Variants in TAB2 observed in about 807,000 individuals in gnomAD.
TAB2 encodes the protein TGF-beta-activated kinase 1 and MAP3K7-binding protein 2.
TAB2 carries 3 observed loss-of-function variants against 65.0 expected under a neutral mutation model. The observed-to-expected ratio is 0.05, with a 90% confidence interval of 0.02 to 0.12. The LOEUF is 0.12. Ranked by LOEUF, TAB2 falls within the 10% of genes least tolerant of loss-of-function variation. TAB2 has a pLI of 1.00. For synonymous variants in TAB2, 298 were observed against 285.1 expected, an observed-to-expected ratio of 1.05 and a Z score of -0.46; for missense variants, 623 against 840.3, an observed-to-expected ratio of 0.74 and a Z score of 3.20.
chr6:149,263,671 AG>A (rs1187516788), intron 1 of TAB2, among the ~76,000 whole-genome samples: 1 of 152,248 alleles, frequency 6.6e-6, no homozygotes, highest in Admixed American at 6.5e-5. Context: ...GGTGAAAAAT[AG>A]TCCCTCCTCT....
At chr6:149,399,268 T>A (rs1782284456) in intron 6 of TAB2, 84 bp downstream of exon 6, 5 of 975,870 alleles carry the variant, frequency 5.1e-6, no homozygotes, top group Non-Finnish European at 8.1e-6. Context: ...AACCTTCCTC[T>A]CTAGAATTGC....
At chr6:149,249,661 T>A (rs1777819831) in intron 1 of TAB2, among the ~76,000 whole-genome samples, 1 of 152,036 alleles carries the variant, frequency 6.6e-6, no homozygotes, top group African/African-American at 2.4e-5. Context: ...TGTCTGTCTG[T>A]CTCTCTCTCT....
chr6:149,238,682 T>G (rs1203288117), intron 1 of TAB2, among the ~76,000 whole-genome samples: 1 of 152,232 alleles, frequency 6.6e-6, no homozygotes, highest in African/African-American at 2.4e-5. Context: ...TGATTCTCAC[T>G]GTGAATCACT....
intron 1 of TAB2, among the ~76,000 whole-genome samples, chr6:149,326,295 G>A (rs536660509): frequency 1.0e-4 from 15 of 146,268 alleles, no homozygotes; most frequent in South Asian, 2.2e-4. Flanking sequence ...AAAAAAGACA[G>A]TTTAAAAAAG....
chr6:149,229,292 A>G (rs1777350567), intron 1 of TAB2, among the ~76,000 whole-genome samples: 1 of 152,158 alleles, frequency 6.6e-6, no homozygotes, highest in East Asian at 1.9e-4. Context: ...TAAGGCTGAA[A>G]CTGTCAACAG....
At chr6:149,248,679 T>C (rs57725287) in intron 1 of TAB2, among the ~76,000 whole-genome samples, 29,098 of 152,060 alleles carry the variant, frequency 0.19, 2,899 homozygotes, top group East Asian at 0.35. Context: ...CTGTGCCCTC[T>C]GGAAAATAAC....
At chr6:149,260,352 C>T (rs1778126450) in intron 1 of TAB2, among the ~76,000 whole-genome samples, 1 of 152,238 alleles carries the variant, frequency 6.6e-6, no homozygotes, top group Non-Finnish European at 1.5e-5. Flanking sequence ...TGCTCCAGCG[C>T]AGCCTTCTCA....
chr6:149,252,722 C>T (rs1033951123), intron 1 of TAB2, among the ~76,000 whole-genome samples: 1 of 152,204 alleles, frequency 6.6e-6, no homozygotes, highest in African/African-American at 2.4e-5. Flanking sequence ...ACTGCTCACA[C>T]CCTTTGCCAT....
intron 1 of TAB2, among the ~76,000 whole-genome samples, chr6:149,354,520 TTAAA>T (rs1233531561): frequency 1.3e-5 from 2 of 152,192 alleles, no homozygotes; most frequent in Non-Finnish European, 2.9e-5. Context: ...AAACAATATA[TTAAA>T]TAAAATAGGT....
rs139021293 is a variant in TAB2 at position 149,241,417 on chromosome 6, T to A, written c.-121+22641T>A. 2.7e-3 allele frequency among the ~76,000 whole-genome samples: 412 copies of A among 152,352 alleles called. 4 individuals carry two copies. Among genetic ancestry groups the A allele is most frequent in the Middle Eastern group, 6.8e-3 (2 of 294 alleles). On this transcript the variant is annotated intron_variant, in intron 1 of 1. Coordinates refer to the TAB2 transcript ENST00000606202. ...GCGTACTGTAAATGATTTTTAATGT[T>A]TTTAAAGTGGCATTATAAATTGTTG...
intron 1 of TAB2, among the ~76,000 whole-genome samples, chr6:149,282,239 C>T (rs928852497): frequency 2.6e-5 from 4 of 151,982 alleles, no homozygotes; most frequent in Non-Finnish European, 4.4e-5. Context: ...AATGTCTATG[C>T]GTCTATAACA....
chr6:149,401,868 CAAG>C (rs1657998608), intron 6 of TAB2, among the ~76,000 whole-genome samples: 2 of 150,384 alleles, frequency 1.3e-5, no homozygotes, highest in Non-Finnish European at 3.0e-5. Context: ...ATCATTGAGT[CAAG>C]AAGGAAATCA....
At chr6:149,389,504 G>T (rs567901695) in intron 3 of TAB2, among the ~76,000 whole-genome samples, 1 of 152,040 alleles carries the variant, frequency 6.6e-6, no homozygotes, top group South Asian at 2.1e-4. Context: ...AATTAGCTGG[G>T]TGTGGTGGCA....
chr6:149,348,590 C>CA (rs913857604), intron 1 of TAB2, among the ~76,000 whole-genome samples: 3 of 146,942 alleles, frequency 2.0e-5, no homozygotes, highest in Non-Finnish European at 4.5e-5. Flanking sequence ...CAAAGTCACA[C>CA]AAAAAAACAC....
intron 1 of TAB2, among the ~76,000 whole-genome samples, chr6:149,267,387 G>C (rs1209492173): frequency 6.6e-6 from 1 of 152,204 alleles, no homozygotes; most frequent in Non-Finnish European, 1.5e-5. Flanking sequence ...CAGGGTCCTT[G>C]CACCAGTGTC....
chr6:149,284,513 T>A (rs1167784637), intron 1 of TAB2, among the ~76,000 whole-genome samples: 1 of 152,172 alleles, frequency 6.6e-6, no homozygotes, highest in Non-Finnish European at 1.5e-5. Flanking sequence ...GAGCACATAT[T>A]ACGTGCTCAA....
intron 1 of TAB2, among the ~76,000 whole-genome samples, chr6:149,279,941 C>G (rs749683653): frequency 6.6e-6 from 1 of 152,190 alleles, no homozygotes; most frequent in Non-Finnish European, 1.5e-5. Context: ...TCAGTTTGAC[C>G]TCATGCCTGC....
At chr6:149,391,532 T>G (rs747597504) in intron 3 of TAB2, among the ~76,000 whole-genome samples, 23 of 152,052 alleles carry the variant, frequency 1.5e-4, no homozygotes, top group Non-Finnish European at 2.8e-4. Context: ...CGTCTTTGTC[T>G]TTCTTGGGGG....
chr6:149,286,973 C>A (rs978639649), intron 1 of TAB2, among the ~76,000 whole-genome samples: 3 of 151,896 alleles, frequency 2.0e-5, no homozygotes, highest in African/African-American at 7.3e-5. Flanking sequence ...AAAAATTAGC[C>A]AAGAATGGTG....
Sources: allele counts gnomAD v4.1 joint callset (sites outside exome capture counted in the v4.1 genomes callset), GRCh38; gene constraint gnomAD v4.1.1; transcripts MANE v1.5; gene names NCBI Gene and HGNC (gene_info 2026-07-23, HGNC 2026-07-21).